PTER: variants seen among roughly 807,000 people sequenced by gnomAD.
The protein encoded by PTER is phosphotriesterase related.
In PTER, 38 loss-of-function variants were observed where a neutral mutation model predicts 29.6. That is an observed-to-expected ratio of 1.28 (90% CI 0.99 to 1.68). PTER has a LOEUF of 1.68. PTER is among the 40% of genes most tolerant of loss of function. The probability of loss-of-function intolerance (pLI) is 0.00; values close to 1 mark genes in which losing one functional copy is unlikely to be tolerated. For missense variants in PTER, 482 were observed against 427.8 expected, an observed-to-expected ratio of 1.13 and a Z score of -1.12; for synonymous variants, 172 against 154.5, an observed-to-expected ratio of 1.11 and a Z score of -0.84.
intron 3 of PTER, among the ~76,000 whole-genome samples, chr10:16,487,802 C>T (rs1835759061): frequency 6.6e-6 from 1 of 152,046 alleles, no homozygotes. Flanking sequence ...TCTATCTTGC[C>T]TATTGGAGTA....
Position 16,497,044 on chromosome 10 carries a change from C to T in PTER, c.699-7976C>T, listed in dbSNP as rs531350721. ...TTGCCTCCTGGGTTCCAGCAGTTCT[C>T]CTACCTCAGCCTCCCAAGTAGCTAG... On this transcript the variant is annotated intron_variant, in intron 3 of 4. Coordinates refer to ENST00000535784, the MANE Select transcript of PTER (RefSeq NM_001261836.2). Among the ~76,000 whole-genome samples, 10 of 151,718 alleles carry T rather than the reference C, an allele frequency of 6.6e-5. 1 individual carries two copies. The South Asian group carries it at 2.1e-3, about 32-fold the overall frequency.
chr10:16,485,370 A>G (rs1835655066), intron 2 of PTER, among the ~76,000 whole-genome samples: 1 of 152,248 alleles, frequency 6.6e-6, no homozygotes. Context: ...GAATGGGCAG[A>G]AGGAAGTAAA....
chr10:16,469,706 G>T (rs7079212), intron 1 of PTER, among the ~76,000 whole-genome samples: 3 of 151,752 alleles, frequency 2.0e-5, no homozygotes, highest in African/African-American at 7.3e-5. Context: ...TCCTGTGTAG[G>T]TGGGACCACA....
At chr10:16,459,743 TTTATTTATTTATTTAC>T (rs1834539290) in intron 1 of PTER, among the ~76,000 whole-genome samples, 1 of 151,278 alleles carries the variant, frequency 6.6e-6, no homozygotes, top group Admixed American at 6.6e-5. Flanking sequence ...TATTTATTTA[TTTATTTATTTATTTAC>T]TTATTTGAGA....
At chr10:16,509,124 T>G (rs1011799691) in intron 4 of PTER, among the ~76,000 whole-genome samples, 2 of 152,318 alleles carry the variant, frequency 1.3e-5, no homozygotes, top group Non-Finnish European at 2.9e-5. Flanking sequence ...TGATTTTTTG[T>G]CTTCTCGTCT....
downstream of PTER, among the ~76,000 whole-genome samples, chr10:16,518,739 A>C (rs11254045): frequency 0.12 from 17,706 of 152,176 alleles, 1,108 homozygotes; most frequent in Middle Eastern, 0.22. Context: ...TTTAATTGAT[A>C]CCTCTAAAAA....
chr10:16,463,508 C>T (rs924653005), intron 1 of PTER, among the ~76,000 whole-genome samples: 19 of 152,124 alleles, frequency 1.2e-4, no homozygotes, highest in African/African-American at 3.9e-4. Context: ...CTCTGCCTTC[C>T]GGGTTCAAGC....
intron 4 of PTER, among the ~76,000 whole-genome samples, chr10:16,509,925 T>C (rs188955550): frequency 1.5e-4 from 23 of 152,296 alleles, no homozygotes; most frequent in Non-Finnish European, 2.8e-4. Context: ...TGCTTGAGTT[T>C]TTTTTGTGTG....
At chr10:16,517,100 A>C (rs1836963386), downstream of PTER, among the ~76,000 whole-genome samples, 1 of 152,194 alleles carries the variant, frequency 6.6e-6, no homozygotes, top group Non-Finnish European at 1.5e-5. Flanking sequence ...TTCACCCTGG[A>C]GGCTGTTTCC....
At position 16,486,373 on chromosome 10, in the gene PTER, G is replaced by A. The variant is rs765454659; in HGVS notation, c.454G>A (p.Glu152Lys). ...VEQLTDVLMN[E>K]ILHGADGTSI... is the part of the protein sequence containing the mutation. ...TTAGCTTACCGATGTCCTTATGAAT[G>A]AAATTCTCCATGGAGCTGATGGAAC... The change falls in exon 3 of 5, where the codon GAA (glutamate) becomes AAA (lysine). Residue 152 changes from glutamate to lysine, a missense_variant. By Grantham distance (56) the Glu-to-Lys change is moderately conservative. Coordinates refer to ENST00000535784, the MANE Select transcript of PTER (RefSeq NM_001261836.2). The A allele has an allele frequency of 7.4e-6, 12 of 1,613,540 alleles. No homozygotes were observed. Among genetic ancestry groups the A allele is most frequent in the Non-Finnish European group, 1.0e-5 (12 of 1,179,698 alleles).
At chr10:16,445,041 ACT>A (rs1489299418) in intron 1 of PTER, among the ~76,000 whole-genome samples, 1 of 152,188 alleles carries the variant, frequency 6.6e-6, no homozygotes. Flanking sequence ...ACTACACTGC[ACT>A]CTCTACATTA....
At chr10:16,507,425 G>T (rs1244067456) in intron 4 of PTER, among the ~76,000 whole-genome samples, 2 of 152,036 alleles carry the variant, frequency 1.3e-5, no homozygotes, top group Non-Finnish European at 2.9e-5. Flanking sequence ...AAAAGTGGTT[G>T]CCGTGGAAGT....
chr10:16,517,226 A>T (rs1466712859), downstream of PTER, among the ~76,000 whole-genome samples: 1 of 152,214 alleles, frequency 6.6e-6, no homozygotes, highest in Non-Finnish European at 1.5e-5. Context: ...TCTTATTACA[A>T]GATAACTATT....
At chr10:16,471,916 C>T (rs1339829104) in intron 1 of PTER, among the ~76,000 whole-genome samples, 3 of 152,200 alleles carry the variant, frequency 2.0e-5, no homozygotes, top group Admixed American at 2.0e-4. Context: ...ACTTGGGATA[C>T]TTACTGCTAA....
chr10:16,478,330 T>C (rs1050569299), intron 1 of PTER, among the ~76,000 whole-genome samples: 1 of 136,310 alleles, frequency 7.3e-6, no homozygotes, highest in Non-Finnish European at 1.5e-5. Context: ...TCCTCCCTCG[T>C]TTCCGTTTTT....
intron 1 of PTER, among the ~76,000 whole-genome samples, chr10:16,454,582 A>T (rs1331576799): frequency 6.6e-6 from 1 of 152,132 alleles, no homozygotes; most frequent in African/African-American, 2.4e-5. Context: ...AAAAAAAAAA[A>T]ATTAACCTAT....
At chr10:16,515,500 A>T (rs1309255058), downstream of PTER, among the ~76,000 whole-genome samples, 1 of 152,176 alleles carries the variant, frequency 6.6e-6, no homozygotes, top group East Asian at 1.9e-4. Context: ...GAATTTTTGA[A>T]TGATTTCGTT....
intron 1 of PTER, among the ~76,000 whole-genome samples, chr10:16,481,984 T>C (rs1460244645): frequency 1.3e-5 from 2 of 152,184 alleles, no homozygotes; most frequent in East Asian, 1.9e-4. Flanking sequence ...TCCATCATCA[T>C]TGGAAAATAT....
At chr10:16,459,723 GTTAT>G (rs749526667) in intron 1 of PTER, among the ~76,000 whole-genome samples, 2,406 of 150,950 alleles carry the variant, frequency 0.016, 17 homozygotes, top group Non-Finnish European at 0.023. Flanking sequence ...ATATTTCAGA[GTTAT>G]TTATTTATTT....
Sources: allele counts gnomAD v4.1 joint callset (sites outside exome capture counted in the v4.1 genomes callset), GRCh38; gene constraint gnomAD v4.1.1; transcripts MANE v1.5; gene names NCBI Gene and HGNC (gene_info 2026-07-23, HGNC 2026-07-21).